UGT1A8: variants seen among roughly 807,000 people sequenced by gnomAD.
UGT1A8 encodes UDP glucuronosyltransferase family 1 member A8.
A neutral mutation model predicts 45.3 loss-of-function variants in UGT1A8; 39 were observed. The ratio of observed to expected loss-of-function variants is 0.86; its 90% CI spans 0.67 to 1.12. The LOEUF is 1.12. Among genes scored for constraint, UGT1A8 ranks in the 50% most tolerant of loss-of-function variants. The pLI is 0.00. For synonymous variants in UGT1A8, 275 were observed against 249.2 expected (o/e 1.10, Z -0.97); for missense variants, 719 against 664.9 (o/e 1.08, Z -0.90).
At chr2:233,711,770 A>G (rs1244544490) in intron 1 of UGT1A8, among the ~76,000 whole-genome samples, 2 of 152,234 alleles carry the variant, frequency 1.3e-5, no homozygotes, top group African/African-American at 4.8e-5. Context: ...AGGAAGTGAG[A>G]TAGAAAGTGT....
At chr2:233,757,551 T>C (rs9711503) in intron 1 of UGT1A8, among the ~76,000 whole-genome samples, 892 of 76,060 alleles carry the variant, frequency 0.012, 7 homozygotes, top group South Asian at 0.018. Flanking sequence ...TATATATATA[T>C]ATATATATAT....
chr2:233,618,572 C>G lies in UGT1A8; in HGVS notation c.855+10C>G. ...AAAGCCATTGCCTATGGTAAGTCACCTCTCCTTTAGCACATTAGGAATAAT... is the reference window on the plus strand; with the variant it reads ...AAAGCCATTGCCTATGGTAAGTCACGTCTCCTTTAGCACATTAGGAATAAT... On this transcript the variant is annotated intron_variant, in intron 1 of 4. Coordinates refer to ENST00000373450, the MANE Select transcript of UGT1A8 (RefSeq NM_019076.5). The G allele has an allele frequency of 1.2e-6, 2 of 1,610,844 alleles. No homozygotes were observed. The highest frequency in any genetic ancestry group is 1.7e-6 in the Non-Finnish European group (2 of 1,177,754).
chr2:233,664,480 G>A (rs1375253779), intron 1 of UGT1A8, among the ~76,000 whole-genome samples: 1 of 152,110 alleles, frequency 6.6e-6, no homozygotes, highest in Non-Finnish European at 1.5e-5. Context: ...AGGTTTAATT[G>A]GCTCAAGATT....
rs2074360829 is a variant in UGT1A8, at chr2:233,676,441, CT to C, written c.855+57880del. The stretch of plus-strand genomic sequence containing the variant: ...TCCACCATTGTTAAATCTCATGTTT[CT>C]ATGGCACATCCATCACAACTCATTC... On this transcript the variant is annotated intron_variant, in intron 1 of 4. Transcript: ENST00000373450. 9.2e-5 allele frequency among the ~76,000 whole-genome samples: 14 copies of C among 152,324 alleles called. No individual in the cohort carries two copies. The South Asian group carries it at 2.9e-3, about 32-fold the overall frequency.
intron 1 of UGT1A8, among the ~76,000 whole-genome samples, chr2:233,751,256 G>C (rs772853409): frequency 1.3e-5 from 2 of 151,926 alleles, no homozygotes; most frequent in South Asian, 4.1e-4. Context: ...CATGGGGCCT[G>C]TAGCCCCCTT....
chr2:233,718,715 T>C, intron 1 of UGT1A8: 1 of 1,608,238 alleles, frequency 6.2e-7, no homozygotes, highest in Non-Finnish European at 8.5e-7. Context: ...TCCAATTACA[T>C]GCTGATTTGC....
At chr2:233,672,160 A>G in intron 1 of UGT1A8, 1 of 1,614,178 alleles carries the variant, frequency 6.2e-7, no homozygotes. Context: ...CACAGTGAAG[A>G]CTTATTCAAC....
intron 1 of UGT1A8, chr2:233,729,346 T>G (rs1339922469): frequency 1.2e-6 from 2 of 1,614,150 alleles, no homozygotes; most frequent in South Asian, 1.1e-5. Flanking sequence ...AGAAGAGAAC[T>G]TTTTCACCCT....
chr2:233,772,178 T>C, intron 4 of UGT1A8, 84 bp from the exon 5 acceptor site: 1 of 1,584,068 alleles, frequency 6.3e-7, no homozygotes, highest in Non-Finnish European at 8.6e-7. Context: ...AATCTGGTAG[T>C]CTTCTTAAGC....
In UGT1A8 at chr2:233,769,600, G is replaced by A. The variant is rs36059993; in HGVS notation, c.1295+1161G>A. 2,963 of 1,612,786 alleles carry A rather than the reference G, an allele frequency of 1.8e-3. 49 individuals are homozygous for A. In the African/African-American group the frequency reaches 0.035, roughly 19 times the overall value. ...GTTCAGATGAGAGGAGACGGAACAC[G>A]GGGACACACCAGCTTGAGCAAGGGA... is the stretch of plus-strand genomic sequence containing the variant. On this transcript the variant is annotated intron_variant, in intron 4 of 4. Transcript: ENST00000373450. The surrounding 1 kb of genome is among the most constrained non-coding windows in gnomAD (Gnocchi z 4.4).
At chr2:233,767,811 GTTCT>G (rs753422454) in intron 2 of UGT1A8, 34 bp from the exon 3 acceptor site, 1 of 1,614,124 alleles carries the variant, frequency 6.2e-7, no homozygotes, top group South Asian at 1.1e-5. Flanking sequence ...ATCATATTAT[GTTCT>G]TTCTTTACGT....
chr2:233,618,519 T>G lies in UGT1A8; in HGVS notation c.812T>G (p.Phe271Cys). The G allele has an allele frequency of 6.2e-7, 1 of 1,613,950 alleles. No homozygotes were observed. Among genetic ancestry groups the G allele is most frequent in the Non-Finnish European group, 8.5e-7 (1 of 1,179,842 alleles). The change falls in exon 1 of 5, where the codon TTC (phenylalanine) becomes TGC (cysteine). Residue 271 changes from phenylalanine (F) to cysteine (C), a missense_variant. Transcript: ENST00000373450. Reference protein sequence around the residue: ...YPKPVMPNMIFIGGINCHQGK... With the variant: ...YPKPVMPNMICIGGINCHQGK... ...AAACCCGTGATGCCCAATATGATCTTCATTGGTGGTATCAACTGCCATCAG... is the reference window on the plus strand; with the variant it reads ...AAACCCGTGATGCCCAATATGATCTGCATTGGTGGTATCAACTGCCATCAG...
chr2:233,617,913 C>T lies in UGT1A8; in HGVS notation c.206C>T (p.Ser69Leu). 1 of 1,614,142 alleles carries T rather than the reference C, an allele frequency of 6.2e-7. No homozygotes were observed. The highest frequency in any genetic ancestry group is 1.3e-5 in the African/African-American group (1 of 75,036). ...MPEVSWQLGK[S>L]LNCTVKTYST... ...GAGGTGAGTTGGCAACTGGGAAAAT[C>T]ACTGAATTGCACAGTGAAGACTTAC... is the stretch of plus-strand genomic sequence containing the variant. Residue 69 changes from serine (S) to leucine (L), a missense_variant, in exon 1 of 5, where the codon TCA becomes TTA. Transcript: ENST00000373450.
chr2:233,681,920 C>T (rs1559339144), intron 1 of UGT1A8: 2 of 1,605,606 alleles, frequency 1.2e-6, no homozygotes, highest in Non-Finnish European at 1.7e-6. Flanking sequence ...GCTGCTGGCT[C>T]TGGGCTGAAG....
In UGT1A8 at chr2:233,617,692, G is replaced by A. The variant is rs754035068; in HGVS notation, c.-16G>A. On this transcript the variant is annotated 5_prime_UTR_variant, in exon 1 of 5. Transcript: ENST00000373450. ...AGCTTAGAATCCCAGCTGCTGGCTC[G>A]GGCTGCAGTTCTCTCATGGCTCGCA... The A allele has an allele frequency of 4.2e-5, 68 of 1,604,930 alleles. No homozygotes were observed. Among genetic ancestry groups the A allele is most frequent in the Non-Finnish European group, 5.3e-5 (62 of 1,174,640 alleles).
intron 1 of UGT1A8, among the ~76,000 whole-genome samples, chr2:233,634,323 G>C (rs2073240307): frequency 6.6e-6 from 1 of 152,094 alleles, no homozygotes; most frequent in South Asian, 2.1e-4. Flanking sequence ...TGTGTATTAG[G>C]TTTGCTTGGT....
rs879425971 is a variant in UGT1A8, at chr2:233,674,614, T to C, written c.855+56052T>C. Among the ~76,000 whole-genome samples, 3 of 151,200 alleles carry C rather than the reference T, an allele frequency of 2.0e-5. No individual in the cohort carries two copies. In the East Asian group the frequency reaches 5.8e-4, roughly 29 times the overall value. ...ATCTATAAAATATGAAACATCAAACTATATATGGTTTCATTTATTTTGATT... is the reference window on the plus strand; with the variant it reads ...ATCTATAAAATATGAAACATCAAACCATATATGGTTTCATTTATTTTGATT... On this transcript the variant is annotated intron_variant, in intron 1 of 4. Transcript: ENST00000373450.
At chr2:233,649,142 G>A (rs1032084342) in intron 1 of UGT1A8, 67 of 631,150 alleles carry the variant, frequency 1.1e-4, no homozygotes, top group Middle Eastern at 6.0e-4. Context: ...TTTCTTTTCT[G>A]TGTAAAAAAT....
At chr2:233,664,913 G>C (rs2074042197) in intron 1 of UGT1A8, among the ~76,000 whole-genome samples, 1 of 152,120 alleles carries the variant, frequency 6.6e-6, no homozygotes, top group Non-Finnish European at 1.5e-5. Flanking sequence ...TATAATTGTA[G>C]ATCATATCCA....
Sources: allele counts gnomAD v4.1 joint callset (sites outside exome capture counted in the v4.1 genomes callset), GRCh38; gene constraint gnomAD v4.1.1; non-coding constraint Gnocchi (gnomAD v3.1); transcripts MANE v1.5; gene names NCBI Gene and HGNC (gene_info 2026-07-23, HGNC 2026-07-21).